LNP1: variants seen among roughly 807,000 people sequenced by gnomAD.
LNP1 encodes the protein leukemia NUP98 fusion partner 1.
LNP1 carries 12 observed loss-of-function variants against 14.5 expected under a neutral mutation model. The observed-to-expected ratio is 0.83, with a 90% CI of 0.53 to 1.34. The LOEUF is 1.34. Ranked by LOEUF, LNP1 falls within the 40% of genes most tolerant of loss-of-function variation. LNP1 has a pLI of 0.00. For missense variants in LNP1, 198 were observed against 210.9 expected (o/e 0.94, Z 0.38); for synonymous variants, 75 against 71.4 (o/e 1.05, Z -0.26).
chr3:100,447,695 C>T (rs1418888946), intron 2 of LNP1, among the ~76,000 whole-genome samples: 1 of 152,160 alleles, frequency 6.6e-6, no homozygotes, highest in Non-Finnish European at 1.5e-5. Flanking sequence ...GAGCATCCCT[C>T]TTCCTTAAAC....
intron 3 of LNP1, among the ~76,000 whole-genome samples, chr3:100,452,277 A>T (rs1192256025): frequency 1.4e-5 from 2 of 144,836 alleles, no homozygotes; most frequent in African/African-American, 5.2e-5. Context: ...ATCATGGCTC[A>T]CTGCAGCCTC....
chr3:100,435,609 A>G (rs1707286827), intron 2 of LNP1, among the ~76,000 whole-genome samples: 1 of 152,212 alleles, frequency 6.6e-6, no homozygotes, highest in African/African-American at 2.4e-5. Context: ...GCCATCCCAC[A>G]GCCTGGGAAG....
intron 2 of LNP1, among the ~76,000 whole-genome samples, chr3:100,441,826 CT>C (rs1321899943): frequency 6.6e-6 from 1 of 151,854 alleles, no homozygotes; most frequent in Non-Finnish European, 1.5e-5. Context: ...CCATACCCAG[CT>C]AATTTTTTTG....
intron 2 of LNP1, among the ~76,000 whole-genome samples, chr3:100,433,838 TG>T (rs1213498516): frequency 4.6e-5 from 7 of 152,248 alleles, no homozygotes; most frequent in Non-Finnish European, 7.3e-5. Flanking sequence ...TTTTTTCATA[TG>T]TTTTTTTGGC....
intron 1 of LNP1, among the ~76,000 whole-genome samples, chr3:100,419,408 C>T (rs1231482310): frequency 6.6e-6 from 1 of 152,120 alleles, no homozygotes; most frequent in Admixed American, 6.5e-5. Context: ...TCTTGTATAA[C>T]TATAGTATAA....
At chr3:100,404,476 T>G (rs553937137) in intron 1 of LNP1, among the ~76,000 whole-genome samples, 4 of 152,350 alleles carry the variant, frequency 2.6e-5, no homozygotes, top group African/African-American at 9.6e-5. Flanking sequence ...TTTAATTGAT[T>G]TAAGTAGTAT....
chr3:100,450,135 T>C (rs1347566098), intron 2 of LNP1, among the ~76,000 whole-genome samples: 4 of 150,534 alleles, frequency 2.7e-5, no homozygotes, highest in Non-Finnish European at 4.4e-5. Flanking sequence ...TTCAGAGGCC[T>C]TGTTCCCCAT....
At chr3:100,406,051 C>T (rs1051774488) in intron 1 of LNP1, among the ~76,000 whole-genome samples, 3 of 152,034 alleles carry the variant, frequency 2.0e-5, no homozygotes, top group Non-Finnish European at 4.4e-5. Context: ...TTTGGGAGGC[C>T]GAAGCGGGTG....
chr3:100,450,020 A>G (rs1325766357), intron 2 of LNP1, among the ~76,000 whole-genome samples: 4 of 151,942 alleles, frequency 2.6e-5, no homozygotes, highest in Non-Finnish European at 5.9e-5. Context: ...ACTCTTAAGT[A>G]GTCAAAATAA....
intron 1 of LNP1, among the ~76,000 whole-genome samples, chr3:100,426,966 T>C (rs1397104446): frequency 6.6e-6 from 1 of 152,114 alleles, no homozygotes; most frequent in Non-Finnish European, 1.5e-5. Context: ...AAAAAATCTC[T>C]CTTTTTTTCA....
chr3:100,412,829 G>C (rs2148899524), intron 1 of LNP1, among the ~76,000 whole-genome samples: 1 of 152,348 alleles, frequency 6.6e-6, no homozygotes, highest in South Asian at 2.1e-4. Context: ...CAGGGAGCAT[G>C]TTCTAGTCAT....
At chr3:100,419,418 A>G (rs997318902) in intron 1 of LNP1, among the ~76,000 whole-genome samples, 2 of 152,188 alleles carry the variant, frequency 1.3e-5, no homozygotes, top group African/African-American at 2.4e-5. Context: ...CTATAGTATA[A>G]TGTCAAAACC....
intron 1 of LNP1, among the ~76,000 whole-genome samples, chr3:100,423,781 G>A (rs1209906797): frequency 1.3e-5 from 2 of 152,174 alleles, no homozygotes; most frequent in African/African-American, 4.8e-5. Flanking sequence ...TCACTTGGCA[G>A]CTTTTGCATC....
chr3:100,413,873 A>T (rs151166530), intron 1 of LNP1, among the ~76,000 whole-genome samples: 2,159 of 152,358 alleles, frequency 0.014, 86 homozygotes, highest in Admixed American at 0.085. Context: ...ATGGTTATGC[A>T]GTGCTGTTCT....
chr3:100,435,653 C>T (rs530106002), intron 2 of LNP1, among the ~76,000 whole-genome samples: 14 of 152,220 alleles, frequency 9.2e-5, no homozygotes, highest in African/African-American at 3.4e-4. Context: ...ACAGGCACTT[C>T]AAAGGAGGAG....
intron 2 of LNP1, 113 bp from the exon 3 acceptor site, chr3:100,451,606 A>G: frequency 1.6e-6 from 1 of 620,828 alleles, no homozygotes; most frequent in South Asian, 2.1e-5. Flanking sequence ...CACAAAGATA[A>G]TATATCAATT....
intron 1 of LNP1, among the ~76,000 whole-genome samples, chr3:100,422,787 C>T (rs1707156812): frequency 6.8e-6 from 1 of 147,686 alleles, no homozygotes; most frequent in Admixed American, 6.7e-5. Flanking sequence ...TGAAAACATA[C>T]CTTGCTTTGT....
chr3:100,412,877 G>T (rs745659223), intron 1 of LNP1, among the ~76,000 whole-genome samples: 3 of 152,196 alleles, frequency 2.0e-5, no homozygotes, highest in Admixed American at 2.0e-4. Flanking sequence ...TTGGGCATAT[G>T]ATGAGTGCCT....
chr3:100,426,862 C>T (rs1707197967), intron 1 of LNP1, among the ~76,000 whole-genome samples: 1 of 152,054 alleles, frequency 6.6e-6, no homozygotes, highest in African/African-American at 2.4e-5. Context: ...CTGGGGTAAT[C>T]CCTCAAGCAT....
Sources: gnomAD v4.1 joint callset for allele counts (sites outside exome capture counted in the v4.1 genomes callset) on GRCh38, gnomAD v4.1.1 for gene constraint, MANE v1.5 for transcripts, NCBI Gene and HGNC (gene_info 2026-07-23, HGNC 2026-07-21) for gene names.